TAB3: variants seen among roughly 807,000 people sequenced by gnomAD.
TAB3 encodes TGF-beta-activated kinase 1 and MAP3K7-binding protein 3.
Under a neutral mutation model 48.1 loss-of-function variants are expected in TAB3, and 18 were observed. The ratio of observed to expected loss-of-function variants is 0.37; its 90% CI spans 0.26 to 0.55. TAB3 has a LOEUF of 0.55. Ranked by LOEUF, TAB3 falls within the 20% of genes least tolerant of loss-of-function variation. The pLI, the probability that TAB3 is intolerant of heterozygous loss-of-function variation, is 0.78. For synonymous variants in TAB3, 185 were observed against 190.2 expected (o/e 0.97, Z 0.22); for missense variants, 414 against 549.8 (o/e 0.75, Z 2.47).
intron 9 of TAB3, among the ~76,000 whole-genome samples, chrX:30,839,215 T>C (rs1218635152): frequency 8.9e-6 from 1 of 112,102 alleles, no homozygotes; most frequent in Non-Finnish European, 1.9e-5. Context: ...GGAATGGCTG[T>C]TGAATTTTGT....
chrX:30,878,424 T>C (rs1350226288), intron 1 of TAB3, among the ~76,000 whole-genome samples: 1 of 103,399 alleles, frequency 9.7e-6, no homozygotes, highest in Admixed American at 1.1e-4. Flanking sequence ...TGCTTGAATC[T>C]GGGAGGCAGG....
intron 4 of TAB3, among the ~76,000 whole-genome samples, chrX:30,862,756 C>T (rs1939288615): frequency 8.9e-6 from 1 of 111,768 alleles, no homozygotes; most frequent in Non-Finnish European, 1.9e-5. Flanking sequence ...CTCAAATCCA[C>T]GCCTGCCTGC....
chrX:30,860,766 T>A (rs1355397779), intron 4 of TAB3, among the ~76,000 whole-genome samples: 1 of 112,030 alleles, frequency 8.9e-6, no homozygotes, highest in Non-Finnish European at 1.9e-5. Flanking sequence ...AATGAGTGGA[T>A]CCACTGACCA....
chrX:30,884,422 T>C (rs1020109826), intron 1 of TAB3, among the ~76,000 whole-genome samples: 13 of 111,310 alleles, frequency 1.2e-4, no homozygotes, highest in African/African-American at 3.9e-4. Flanking sequence ...GATTAAGTAA[T>C]TTGCCCACGA....
chrX:30,849,498 A>G (rs1376828776), intron 7 of TAB3, among the ~76,000 whole-genome samples: 3 of 112,726 alleles, frequency 2.7e-5, no homozygotes, highest in Non-Finnish European at 3.7e-5. Context: ...AAAAATGTCA[A>G]TTCTCCACTG....
rs1415743745 is a variant in TAB3 at position 30,829,150 on chromosome X, A to G, written c.*2277T>C. ...GGTGAAAACAATGATTGACTAGATA[A>G]TATCACCAAAGGATTGAAACCATGC... On this transcript the variant is annotated 3_prime_UTR_variant, in exon 11 of 11. Coordinates refer to ENST00000288422, the MANE Select transcript of TAB3 (RefSeq NM_152787.5). The G allele has an allele frequency of 8.9e-6, 1 of 112,317 alleles. No homozygotes were observed. Among genetic ancestry groups the G allele is most frequent in the African/African-American group, 3.2e-5 (1 of 30,817 alleles). The allele number at this position is 112,317 out of a possible 1,213,427, so 9.3% of individuals were successfully genotyped here.
chrX:30,856,667 T>C (rs1324493253), intron 5 of TAB3, among the ~76,000 whole-genome samples: 2 of 112,062 alleles, frequency 1.8e-5, no homozygotes, highest in Non-Finnish European at 3.8e-5. Context: ...GTACATTTTA[T>C]ATAAAAATGA....
At position 30,867,473 on chromosome X, in the gene TAB3, G is replaced by C. The variant is rs1939445804; in HGVS notation, c.-203C>G. 9.0e-6 allele frequency: 1 copy of C among 111,408 alleles called. No individual in the cohort carries two copies. The highest frequency in any genetic ancestry group is 3.8e-4 in the South Asian group (1 of 2,658). 9.2% of individuals were successfully genotyped at this position (111,408 alleles called of 1,213,427 possible). A position where few individuals can be genotyped will look rare whatever the true frequency, so the allele number is the denominator to read the frequency against. On this transcript the variant is annotated 5_prime_UTR_variant, in exon 3 of 11. Coordinates refer to ENST00000288422, the MANE Select transcript of TAB3 (RefSeq NM_152787.5). ...ATTAGAAAAAAAAATACCTCAAGAT[G>C]GTTTATCAACCCTGGCACAGAAATT...
At chrX:30,886,883 G>C (rs1488621354) in intron 1 of TAB3, among the ~76,000 whole-genome samples, 1 of 112,429 alleles carries the variant, frequency 8.9e-6, no homozygotes, top group African/African-American at 3.2e-5. Flanking sequence ...CCACTGGCAA[G>C]ATGTTCCTGC....
At chrX:30,866,460 G>C (rs1601829581) in intron 4 of TAB3, among the ~76,000 whole-genome samples, 1 of 109,590 alleles carries the variant, frequency 9.1e-6, no homozygotes, top group East Asian at 2.8e-4. Context: ...ACTGGGGCAG[G>C]GAATATATAG....
intron 4 of TAB3, among the ~76,000 whole-genome samples, chrX:30,863,466 G>T (rs1939310723): frequency 8.9e-6 from 1 of 112,069 alleles, no homozygotes; most frequent in Non-Finnish European, 1.9e-5. Context: ...TGGAGTTGGG[G>T]CCTGATGGGA....
intron 9 of TAB3, among the ~76,000 whole-genome samples, chrX:30,840,554 G>A (rs965175373): frequency 9.0e-6 from 1 of 111,146 alleles, no homozygotes; most frequent in African/African-American, 3.3e-5. Flanking sequence ...CCCACATATT[G>A]TGGGAGGGGC....
At chrX:30,868,481 TTA>T (rs775624507) in intron 2 of TAB3, among the ~76,000 whole-genome samples, 5 of 28,191 alleles carry the variant, frequency 1.8e-4, no homozygotes, top group South Asian at 3.2e-3. Context: ...TATATATAGC[TTA>T]TATATATATA....
At chrX:30,883,782 T>C (rs2147417279) in intron 1 of TAB3, among the ~76,000 whole-genome samples, 1 of 111,903 alleles carries the variant, frequency 8.9e-6, no homozygotes, top group African/African-American at 3.3e-5. Context: ...CTATCAGTAT[T>C]CAAATTCAGA....
rs781167128 is a variant in TAB3 at position 30,846,559 on chromosome X, T to C, written c.1796A>G (p.Gln599Arg). 2.5e-6 allele frequency: 3 copies of C among 1,191,600 alleles called. No individual in the cohort carries two copies. Among genetic ancestry groups the C allele is most frequent in the Admixed American group, 4.4e-5 (2 of 45,710 alleles). The change falls in exon 8 of 11, where the codon CAA becomes CGA. Residue 599 changes from glutamine (Q) to arginine (R), a missense_variant. By Grantham distance (43) the Gln-to-Arg change is conservative. Coordinates refer to ENST00000288422, the MANE Select transcript of TAB3 (RefSeq NM_152787.5). ...DCTLKEVDLLQSRGNFDPKAM... is the reference protein window; with the variant it reads ...DCTLKEVDLLRSRGNFDPKAM... Reference sequence around the variant, plus strand: ...AATAATCAAGTCTATACCTCTAGATTGAAGGAGGTCAACTTCTTTCAGTGT... The same window carrying C: ...AATAATCAAGTCTATACCTCTAGATCGAAGGAGGTCAACTTCTTTCAGTGT...
At chrX:30,861,325 T>C (rs908764960) in intron 4 of TAB3, among the ~76,000 whole-genome samples, 6 of 110,889 alleles carry the variant, frequency 5.4e-5, no homozygotes, top group African/African-American at 2.0e-4. Flanking sequence ...GAAAAATATA[T>C]AGACAAGCCT....
intron 2 of TAB3, among the ~76,000 whole-genome samples, chrX:30,869,605 T>C (rs1428809402): frequency 1.8e-5 from 2 of 112,251 alleles, no homozygotes; most frequent in Non-Finnish European, 3.8e-5. Context: ...TGACAAAACA[T>C]AGGCCTTGAA....
At chrX:30,872,257 G>C (rs917573273) in intron 1 of TAB3, among the ~76,000 whole-genome samples, 1 of 112,025 alleles carries the variant, frequency 8.9e-6, no homozygotes, top group Non-Finnish European at 1.9e-5. Context: ...TGGTGAGTCT[G>C]ATGTAGTCTC....
rs191897310 is a variant in TAB3, at chrX:30,883,311, A to G, written c.-383+5803T>C. ...ACCAGTCAAGCTGAATAATTAAAAA[A>G]TACATAACACTTCTTATGCACTCAC... On this transcript the variant is annotated intron_variant, in intron 1 of 10. Coordinates refer to ENST00000288422, the MANE Select transcript of TAB3 (RefSeq NM_152787.5). 6.2e-5 allele frequency among the ~76,000 whole-genome samples: 7 copies of G among 112,019 alleles called. 1 individual carries two copies. In the South Asian group the frequency reaches 2.6e-3, roughly 41 times the overall value.
Sources: allele counts gnomAD v4.1 joint callset (sites outside exome capture counted in the v4.1 genomes callset), GRCh38; gene constraint gnomAD v4.1.1; transcripts MANE v1.5; gene names NCBI Gene and HGNC (gene_info 2026-07-23, HGNC 2026-07-21).